Variants in SENP2 observed in about 807,000 individuals in gnomAD.
The protein encoded by SENP2 is sentrin-specific protease 2.
A neutral mutation model predicts 86.3 loss-of-function variants in SENP2; 16 were observed. That is an observed-to-expected ratio of 0.19 (90% CI 0.13 to 0.28). SENP2 has a LOEUF of 0.28. Ranked by LOEUF, SENP2 falls within the 10% of genes least tolerant of loss-of-function variation. The probability of loss-of-function intolerance (pLI) is 1.00; values close to 1 mark genes in which losing one functional copy is unlikely to be tolerated. For missense variants in SENP2, 552 were observed against 703.0 expected, an observed-to-expected ratio of 0.79 and a Z score of 2.43; for synonymous variants, 222 against 238.7, an observed-to-expected ratio of 0.93 and a Z score of 0.64.
Position 185,606,309 on chromosome 3 carries a change from CT to C in SENP2, c.450-12del, listed in dbSNP as rs754595970. 3.4e-5 allele frequency: 53 copies of C among 1,541,336 alleles called. No homozygotes were observed. Among genetic ancestry groups the C allele is most frequent in the Middle Eastern group, 1.8e-4 (1 of 5,700 alleles). Reference sequence around the variant, plus strand: ...TAAGCAGCTTGGTGATACTTTTTTTCTTTTTTTTTCTGTTGCTCAGTTTTAC... The same window carrying C: ...TAAGCAGCTTGGTGATACTTTTTTTCTTTTTTTTCTGTTGCTCAGTTTTAC... On this transcript the variant is annotated intron_variant, in intron 5 of 16. Coordinates refer to ENST00000296257, the MANE Select transcript of SENP2 (RefSeq NM_021627.3).
chr3:185,587,586 A>ATTTTTTTTTTTTTTTTT (rs1721829985), intron 1 of SENP2, among the ~76,000 whole-genome samples: 1 of 59,958 alleles, frequency 1.7e-5, no homozygotes, highest in Admixed American at 1.6e-4. Flanking sequence ...TTTTTTTTTG[A>ATTTTTTTTTTTTTTTTT]GAAGGAGTCT....
intron 6 of SENP2, chr3:185,606,770 C>T (rs1722528052): frequency 3.9e-6 from 2 of 512,320 alleles, no homozygotes; most frequent in East Asian, 4.1e-5. Flanking sequence ...ATAGCGGCCA[C>T]GTGTGCTCAG....
chr3:185,618,945 A>G (rs1711736179), intron 12 of SENP2, among the ~76,000 whole-genome samples: 2 of 152,236 alleles, frequency 1.3e-5, no homozygotes, highest in Non-Finnish European at 2.9e-5. Flanking sequence ...TCAAGTTAAT[A>G]TTTTAAAATT....
At chr3:185,614,815 G>A (rs964997430) in intron 11 of SENP2, 75 bp downstream of exon 11, 1 of 1,449,930 alleles carries the variant, frequency 6.9e-7, no homozygotes, top group African/African-American at 1.4e-5. Context: ...TGAATGTTTT[G>A]TTTTGAGGAC....
At chr3:185,615,019 T>A (rs1711548286) in intron 11 of SENP2, among the ~76,000 whole-genome samples, 2 of 152,206 alleles carry the variant, frequency 1.3e-5, no homozygotes. Flanking sequence ...ATTCTAACCT[T>A]CAAATATGTT....
intron 14 of SENP2, among the ~76,000 whole-genome samples, chr3:185,622,817 CTTTTT>C (rs35711486): frequency 0.09 from 7,983 of 88,466 alleles, 160 homozygotes; most frequent in South Asian, 0.31. Context: ...TACATTCATG[CTTTTT>C]TTTTTTTTTT....
chr3:185,604,533 A>G (rs1000591893), intron 5 of SENP2, among the ~76,000 whole-genome samples: 1 of 151,958 alleles, frequency 6.6e-6, no homozygotes, highest in African/African-American at 2.4e-5. Flanking sequence ...ACAATTGTGG[A>G]TTTCTCTATT....
At position 185,630,954 on chromosome 3, in the gene SENP2, G is replaced by A. The variant is rs1712429221; in HGVS notation, c.*1110G>A. 6.6e-6 allele frequency: 1 copy of A among 152,104 alleles called. No individual in the cohort carries two copies. The allele number at this position is 152,104 out of a possible 1,614,324, so 9.4% of individuals were successfully genotyped here. On this transcript the variant is annotated 3_prime_UTR_variant, in exon 17 of 17. Transcript: ENST00000296257. ...TAATCTATTTTGCATATGAAAGTTT[G>A]TATTTAACTTTTTTGTTCATTAAAA...
chr3:185,611,424 TACAA>T (rs1418483503), intron 7 of SENP2: 8 of 383,488 alleles, frequency 2.1e-5, no homozygotes, highest in Admixed American at 4.1e-5. Context: ...CCTCTGATTT[TACAA>T]ACAGAGAAAC....
At chr3:185,602,653 G>A (rs1033583948) in intron 5 of SENP2, among the ~76,000 whole-genome samples, 1 of 151,638 alleles carries the variant, frequency 6.6e-6, no homozygotes, top group African/African-American at 2.4e-5. Flanking sequence ...CCAACATGGC[G>A]AGAAATCCCG....
intron 10 of SENP2, chr3:185,613,659 T>C: frequency 4.1e-6 from 1 of 246,166 alleles, no homozygotes; most frequent in Non-Finnish European, 7.8e-6. Context: ...AGTGAGACTG[T>C]CTCCACAAAA....
intron 14 of SENP2, 69 bp from the exon 15 acceptor site, chr3:185,623,929 C>G: frequency 1.2e-6 from 1 of 841,030 alleles, no homozygotes; most frequent in Non-Finnish European, 1.9e-6. Flanking sequence ...TCAGAAAGCC[C>G]TATGTAACCA....
chr3:185,624,022 G>C lies in SENP2; in HGVS notation c.1551G>C (p.Lys517Asn). Reference sequence around the variant, plus strand: ...GTCAGTATTTACAGGATGAAAGTAAGACCAAAAGAAATAGTGATCTGAATC... The same window carrying C: ...GTCAGTATTTACAGGATGAAAGTAACACCAAAAGAAATAGTGATCTGAATC... ...ILLQYLQDES[K>N]TKRNSDLNLL... The change falls in exon 15 of 17, where the codon AAG becomes AAC. Residue 517 changes from lysine to asparagine, a missense_variant. Around this residue, in one of 2 missense-constraint regions of SENP2, gnomAD observed 169 missense variants for 275.7 expected, o/e 0.61. Coordinates refer to ENST00000296257, the MANE Select transcript of SENP2 (RefSeq NM_021627.3). The C allele has an allele frequency of 6.2e-7, 1 of 1,611,726 alleles. No homozygotes were observed.
At chr3:185,620,410 G>A (rs1711804171) in intron 13 of SENP2, among the ~76,000 whole-genome samples, 1 of 151,520 alleles carries the variant, frequency 6.6e-6, no homozygotes, top group South Asian at 2.1e-4. Context: ...AAGGCTACAG[G>A]ACGAAGTCCT....
chr3:185,595,149 T>C (rs1038220064), intron 2 of SENP2, among the ~76,000 whole-genome samples: 1 of 152,192 alleles, frequency 6.6e-6, no homozygotes, highest in Non-Finnish European at 1.5e-5. Context: ...AAAAAATCAG[T>C]GAGATCTTTT....
chr3:185,615,832 C>T (rs1225739716), intron 11 of SENP2, among the ~76,000 whole-genome samples: 1 of 151,850 alleles, frequency 6.6e-6, no homozygotes, highest in Non-Finnish European at 1.5e-5. Context: ...TGGTGTGACC[C>T]CTTAGATGTC....
Position 185,630,008 on chromosome 3 carries a change from G to A in SENP2, c.*164G>A, listed in dbSNP as rs1712342555. ...TCTCACTGTACTCTAGTCCTGACTT[G>A]GGGTGCAGAGGGCTGCTTGCAATCC... On this transcript the variant is annotated 3_prime_UTR_variant, in exon 17 of 17. Coordinates refer to ENST00000296257, the MANE Select transcript of SENP2 (RefSeq NM_021627.3). 6 of 642,818 alleles carry A rather than the reference G, an allele frequency of 9.3e-6. No individual in the cohort carries two copies. The South Asian group carries it at 1.1e-4, about 12-fold the overall frequency. 39.8% of individuals were successfully genotyped at this position (642,818 alleles called of 1,614,324 possible).
In SENP2 at chr3:185,633,241, G is replaced by A. The variant is rs923577522; in HGVS notation, c.*3397G>A. 3 of 152,180 alleles carry A rather than the reference G, an allele frequency of 2.0e-5. No individual in the cohort carries two copies. Among genetic ancestry groups the A allele is most frequent in the African/African-American group, 7.2e-5 (3 of 41,446 alleles). 9.4% of individuals were successfully genotyped at this position (152,180 alleles called of 1,614,324 possible). ...ACCTCAGATATGAATAAATAAGCAAGAGACCGAAAGTTAAGTGTGTGACAA... is the reference window on the plus strand; with the variant it reads ...ACCTCAGATATGAATAAATAAGCAAAAGACCGAAAGTTAAGTGTGTGACAA... On this transcript the variant is annotated 3_prime_UTR_variant, in exon 17 of 17. Coordinates refer to ENST00000296257, the MANE Select transcript of SENP2 (RefSeq NM_021627.3).
At chr3:185,603,257 C>T (rs1013881193) in intron 5 of SENP2, among the ~76,000 whole-genome samples, 6 of 152,096 alleles carry the variant, frequency 3.9e-5, no homozygotes, top group African/African-American at 1.2e-4. Flanking sequence ...TGGAGAAGCA[C>T]GACTGACACC....
Sources: allele counts gnomAD v4.1 joint callset (sites outside exome capture counted in the v4.1 genomes callset), GRCh38; gene constraint gnomAD v4.1.1; regional missense constraint gnomAD v4.1.1; transcripts MANE v1.5; gene names NCBI Gene and HGNC (gene_info 2026-07-23, HGNC 2026-07-21).